Variants in SLX4IP observed in about 807,000 individuals in gnomAD.
The protein encoded by SLX4IP is protein SLX4IP.
In SLX4IP, 34 loss-of-function variants were observed where a neutral mutation model predicts 32.9. That is an observed-to-expected ratio of 1.03 (90% CI 0.79 to 1.38). The LOEUF (loss-of-function observed/expected upper bound fraction) is 1.38. Among genes scored for constraint, SLX4IP ranks in the 40% most tolerant of loss-of-function variants. The probability of loss-of-function intolerance (pLI) is 0.00; values close to 1 mark genes in which losing one functional copy is unlikely to be tolerated. For missense variants in SLX4IP, 444 were observed against 479.0 expected (o/e 0.93, Z 0.68); for synonymous variants, 172 against 171.7 (o/e 1.00, Z -0.01).
chr20:10,485,960 CA>C (rs2065569213), intron 2 of SLX4IP, among the ~76,000 whole-genome samples: 2 of 152,056 alleles, frequency 1.3e-5, no homozygotes, highest in African/African-American at 2.4e-5. Flanking sequence ...CTTGCTGTCT[CA>C]GGGGTGGTGG....
At chr20:10,520,420 G>A (rs1161004831) in intron 2 of SLX4IP, among the ~76,000 whole-genome samples, 1 of 152,174 alleles carries the variant, frequency 6.6e-6, no homozygotes, top group Non-Finnish European at 1.5e-5. Flanking sequence ...TATATATTCT[G>A]ATCAGGTATA....
intron 6 of SLX4IP, chr20:10,613,608 C>T (rs2066993231): frequency 6.2e-7 from 1 of 1,613,602 alleles, no homozygotes; most frequent in Non-Finnish European, 8.5e-7. Context: ...CAACTCCTTT[C>T]TGCTCATTTC....
chr20:10,571,852 T>C (rs1301034458), intron 4 of SLX4IP, among the ~76,000 whole-genome samples: 1 of 152,222 alleles, frequency 6.6e-6, no homozygotes, highest in African/African-American at 2.4e-5. Context: ...GAAAGTGGCC[T>C]GTGAATTACA....
chr20:10,455,436 A>G (rs949235874), intron 1 of SLX4IP, among the ~76,000 whole-genome samples: 2 of 152,230 alleles, frequency 1.3e-5, no homozygotes, highest in South Asian at 2.1e-4. Flanking sequence ...ATTATTTGGC[A>G]TATGGATACT....
chr20:10,590,276 TATC>T (rs1230229352), intron 4 of SLX4IP, among the ~76,000 whole-genome samples: 1 of 152,134 alleles, frequency 6.6e-6, no homozygotes, highest in African/African-American at 2.4e-5. Context: ...TCTAAAATTA[TATC>T]ATCTTTTCAT....
intron 2 of SLX4IP, among the ~76,000 whole-genome samples, chr20:10,473,024 C>CAAT (rs1422320701): frequency 1.3e-5 from 2 of 152,140 alleles, no homozygotes; most frequent in African/African-American, 4.8e-5. Context: ...AACATTGTTG[C>CAAT]TATTAAGAAA....
chr20:10,494,624 G>A (rs2065651938), intron 2 of SLX4IP, among the ~76,000 whole-genome samples: 1 of 151,894 alleles, frequency 6.6e-6, no homozygotes, highest in African/African-American at 2.4e-5. Flanking sequence ...TTTCTGGTGA[G>A]CCAGAATTTG....
intron 4 of SLX4IP, among the ~76,000 whole-genome samples, chr20:10,588,310 T>A (rs2066667950): frequency 6.6e-6 from 1 of 152,224 alleles, no homozygotes; most frequent in Admixed American, 6.5e-5. Flanking sequence ...CAGTGAGATG[T>A]CATCTCATAC....
intron 2 of SLX4IP, among the ~76,000 whole-genome samples, chr20:10,509,151 G>A (rs527331622): frequency 5.9e-5 from 9 of 152,256 alleles, no homozygotes; most frequent in African/African-American, 1.7e-4. Context: ...CCAGGGGCAC[G>A]GAGTCTCTTT....
At chr20:10,601,213 C>G (rs1263950076) in intron 5 of SLX4IP, among the ~76,000 whole-genome samples, 1 of 152,156 alleles carries the variant, frequency 6.6e-6, no homozygotes, top group Non-Finnish European at 1.5e-5. Context: ...CTAAGAAAAG[C>G]TGCTGTTTTC....
chr20:10,468,919 G>C lies in SLX4IP; in HGVS notation c.27+10688G>C, dbSNP rs1307471945. On this transcript the variant is annotated intron_variant, in intron 2 of 7. Coordinates refer to ENST00000334534, the MANE Select transcript of SLX4IP (RefSeq NM_001009608.3). ...CCTATGCTTCTTTCATATCTGCACA[G>C]ACCTTGAATAATCTAAAGCAGGGGT... Among the ~76,000 whole-genome samples the C allele has an allele frequency of 9.9e-5, 15 of 152,184 alleles. No homozygotes were observed. The South Asian group carries it at 2.9e-3, about 29-fold the overall frequency.
intron 1 of SLX4IP, among the ~76,000 whole-genome samples, chr20:10,440,622 C>T (rs2065153361): frequency 1.3e-5 from 2 of 152,120 alleles, no homozygotes; most frequent in Admixed American, 1.3e-4. Flanking sequence ...CTCCTTCCTC[C>T]CCAACTTCCC....
intron 3 of SLX4IP, among the ~76,000 whole-genome samples, chr20:10,557,547 G>A (rs2066279744): frequency 6.6e-6 from 1 of 152,164 alleles, no homozygotes; most frequent in Admixed American, 6.5e-5. Flanking sequence ...ATGTTGCTGT[G>A]ATTCAAAACT....
intron 2 of SLX4IP, among the ~76,000 whole-genome samples, chr20:10,540,457 A>G (rs1666040504): frequency 6.6e-6 from 1 of 152,122 alleles, no homozygotes; most frequent in Admixed American, 6.5e-5. Flanking sequence ...GAGGCTCTTC[A>G]CTTATCCGAG....
chr20:10,622,146 C>T (rs936222146), intron 7 of SLX4IP, among the ~76,000 whole-genome samples: 6 of 152,320 alleles, frequency 3.9e-5, no homozygotes, highest in African/African-American at 1.2e-4. Flanking sequence ...CTAAGTCCTA[C>T]TCCCATTTGT....
intron 2 of SLX4IP, among the ~76,000 whole-genome samples, chr20:10,486,815 C>G (rs2065578332): frequency 6.6e-6 from 1 of 152,126 alleles, no homozygotes; most frequent in East Asian, 1.9e-4. Context: ...TCAACCCTAG[C>G]AAAGATTTCT....
At chr20:10,560,845 G>T in intron 4 of SLX4IP, 25 bp downstream of exon 4, 1 of 1,539,148 alleles carries the variant, frequency 6.5e-7, no homozygotes, top group South Asian at 1.3e-5. Flanking sequence ...CTTTGATTTT[G>T]GACAAAAAAT....
chr20:10,442,588 T>A (rs949116748), intron 1 of SLX4IP, among the ~76,000 whole-genome samples: 1 of 152,218 alleles, frequency 6.6e-6, no homozygotes, highest in Non-Finnish European at 1.5e-5. Context: ...GGAAAATTGA[T>A]CTTTTTGGGT....
chr20:10,444,142 G>C (rs552540776), intron 1 of SLX4IP, among the ~76,000 whole-genome samples: 38 of 152,196 alleles, frequency 2.5e-4, no homozygotes, highest in Non-Finnish European at 4.3e-4. Flanking sequence ...TACCTCTAAT[G>C]TTGGGTTTGG....
Sources: gnomAD v4.1 joint callset for allele counts (sites outside exome capture counted in the v4.1 genomes callset) on GRCh38, gnomAD v4.1.1 for gene constraint, MANE v1.5 for transcripts, NCBI Gene and HGNC (gene_info 2026-07-23, HGNC 2026-07-21) for gene names.